The following CNTNAP2 variants were observed in gnomAD, a reference collection of about 807,000 sequenced individuals.
CNTNAP2 encodes contactin associated protein 2, also known as contactin-associated protein-like 2.
CNTNAP2 carries 98 observed loss-of-function variants against 155.2 expected under a neutral mutation model. The ratio of observed to expected loss-of-function variants is 0.63; its 90% CI spans 0.54 to 0.75. CNTNAP2 has a LOEUF of 0.75. Among genes scored for constraint, CNTNAP2 ranks in the 30% least tolerant of loss-of-function variants. The probability of loss-of-function intolerance (pLI) is 0.00; values close to 1 mark genes in which losing one functional copy is unlikely to be tolerated. For missense variants in CNTNAP2, 1,727 were observed against 1,688.1 expected, an observed-to-expected ratio of 1.02 and a Z score of -0.40; for synonymous variants, 651 against 631.2, an observed-to-expected ratio of 1.03 and a Z score of -0.47.
chr7:146,835,425 C>T (rs1033919108), intron 2 of CNTNAP2, among the ~76,000 whole-genome samples: 4 of 152,042 alleles, frequency 2.6e-5, no homozygotes, highest in Non-Finnish European at 5.9e-5. Context: ...TTCAAGGTTT[C>T]GAACTGTATA....
chr7:146,935,929 T>C (rs1167448371), intron 3 of CNTNAP2, among the ~76,000 whole-genome samples: 1 of 152,220 alleles, frequency 6.6e-6, no homozygotes, highest in Non-Finnish European at 1.5e-5. Flanking sequence ...ATAGTCATAA[T>C]AGAAGTCTCC....
chr7:147,328,322 C>T (rs1795497588), intron 9 of CNTNAP2, among the ~76,000 whole-genome samples: 1 of 152,186 alleles, frequency 6.6e-6, no homozygotes, highest in South Asian at 2.1e-4. Flanking sequence ...CAAATTTTAA[C>T]AGTTAAAAAC....
intron 8 of CNTNAP2, among the ~76,000 whole-genome samples, chr7:147,154,681 G>A (rs930437480): frequency 3.9e-5 from 6 of 152,022 alleles, no homozygotes; most frequent in African/African-American, 1.4e-4. Context: ...ACACCAAAAT[G>A]GAGAGTTCTG....
chr7:148,269,956 A>T (rs28645819), intron 21 of CNTNAP2, among the ~76,000 whole-genome samples: 54,228 of 151,986 alleles, frequency 0.36, 11,383 homozygotes, highest in East Asian at 0.6. Flanking sequence ...TGATATTCGT[A>T]AAGTAACATC....
At chr7:146,882,798 T>TCAAG (rs1795579507) in intron 3 of CNTNAP2, among the ~76,000 whole-genome samples, 1 of 152,006 alleles carries the variant, frequency 6.6e-6, no homozygotes, top group African/African-American at 2.4e-5. Flanking sequence ...GAGAACCAAA[T>TCAAG]CAAGAATGCG....
rs182193243 is a variant in CNTNAP2, at chr7:147,702,238, T to G, written c.2098+62932T>G. Among the ~76,000 whole-genome samples, 711 of 152,026 alleles carry G rather than the reference T, an allele frequency of 4.7e-3. 1 individual carries two copies. Among genetic ancestry groups the G allele is most frequent in the Non-Finnish European group, 7.9e-3 (535 of 67,962 alleles). The stretch of plus-strand genomic sequence containing the variant: ...GACTCTGAAATCACAAGAGCTGGGG[T>G]TGCAGAATTTGCAGCAGCAATTGTA... On this transcript the variant is annotated intron_variant, in intron 13 of 23. Transcript: ENST00000361727.
At position 147,939,376 on chromosome 7, in the gene CNTNAP2, T is replaced by C. The variant is rs1445335444; in HGVS notation, c.2255+35655T>C. On this transcript the variant is annotated intron_variant, in intron 14 of 23. Coordinates refer to ENST00000361727, the MANE Select transcript of CNTNAP2 (RefSeq NM_014141.6). ...TTTTGAGACAGGCTGTGGCCCAGGC[T>C]GGAGTGCAGTGGCACGATCTCAGCT... 3.3e-5 allele frequency among the ~76,000 whole-genome samples: 5 copies of C among 152,286 alleles called. No individual in the cohort carries two copies. The East Asian group carries it at 9.6e-4, about 29-fold the overall frequency.
intron 3 of CNTNAP2, among the ~76,000 whole-genome samples, chr7:147,010,184 A>G (rs1798599540): frequency 1.3e-5 from 2 of 151,598 alleles, no homozygotes; most frequent in South Asian, 4.2e-4. Flanking sequence ...TGATTTTTGT[A>G]TTTTTAATAG....
intron 11 of CNTNAP2, among the ~76,000 whole-genome samples, chr7:147,502,476 T>C (rs1377016554): frequency 2.0e-5 from 3 of 151,882 alleles, no homozygotes; most frequent in Non-Finnish European, 4.4e-5. Context: ...AGTAAAATAA[T>C]AGTAAATGCA....
intron 15 of CNTNAP2, among the ~76,000 whole-genome samples, chr7:147,988,684 A>C (rs1801661753): frequency 6.6e-6 from 1 of 151,986 alleles, no homozygotes; most frequent in Non-Finnish European, 1.5e-5. Context: ...CCCTTCCTGA[A>C]CTTGTTACTC....
chr7:147,527,015 C>CTTTTCTTTTTTTT (rs1562981280), intron 11 of CNTNAP2, among the ~76,000 whole-genome samples: 1 of 65,180 alleles, frequency 1.5e-5, no homozygotes, highest in African/African-American at 7.8e-5. Context: ...ACAGGCATTT[C>CTTTTCTTTTTTTT]TTTTTTTTTT....
chr7:146,189,757 T>C (rs939741695), intron 1 of CNTNAP2, among the ~76,000 whole-genome samples: 3 of 152,212 alleles, frequency 2.0e-5, no homozygotes, highest in African/African-American at 7.2e-5. Flanking sequence ...ATAAATCATT[T>C]GAATTTCAAC....
Position 147,814,577 on chromosome 7 carries a change from T to G in CNTNAP2, c.2099-88988T>G, listed in dbSNP as rs558395170. Among the ~76,000 whole-genome samples, 3 of 152,322 alleles carry G rather than the reference T, an allele frequency of 2.0e-5. No individual in the cohort carries two copies. In the South Asian group the frequency reaches 6.2e-4, roughly 32 times the overall value. ...AGTATTTGCCTCGCCCTTTAAAACCTTCATTTTATATAACCTATTGATTGT... is the reference window on the plus strand; with the variant it reads ...AGTATTTGCCTCGCCCTTTAAAACCGTCATTTTATATAACCTATTGATTGT... On this transcript the variant is annotated intron_variant, in intron 13 of 23. Coordinates refer to ENST00000361727, the MANE Select transcript of CNTNAP2 (RefSeq NM_014141.6).
intron 1 of CNTNAP2, among the ~76,000 whole-genome samples, chr7:146,589,349 C>A (rs1325135051): frequency 1.3e-5 from 2 of 152,158 alleles, no homozygotes; most frequent in Non-Finnish European, 2.9e-5. Context: ...GGAACCAACC[C>A]AAATGCCCAT....
At chr7:146,172,684 CTG>C (rs1359230207) in intron 1 of CNTNAP2, among the ~76,000 whole-genome samples, 1 of 151,988 alleles carries the variant, frequency 6.6e-6, no homozygotes, top group East Asian at 1.9e-4. Context: ...GTGTGGATAA[CTG>C]GAGGAATCTT....
At chr7:148,093,506 C>T (rs183813853) in intron 15 of CNTNAP2, among the ~76,000 whole-genome samples, 1 of 152,252 alleles carries the variant, frequency 6.6e-6, no homozygotes, top group Non-Finnish European at 1.5e-5. Context: ...TATAAAGTCC[C>T]TCAGTCATTA....
chr7:147,042,908 C>T (rs146425163), intron 3 of CNTNAP2, among the ~76,000 whole-genome samples: 1 of 152,064 alleles, frequency 6.6e-6, no homozygotes, highest in East Asian at 1.9e-4. Context: ...AAGAGAATAT[C>T]TTCTAAAAGA....
chr7:147,865,612 A>T (rs566177127), intron 13 of CNTNAP2, among the ~76,000 whole-genome samples: 29 of 152,088 alleles, frequency 1.9e-4, no homozygotes, highest in African/African-American at 7.0e-4. Flanking sequence ...AGAGCCTGTT[A>T]TTGGTCTATT....
intron 1 of CNTNAP2, among the ~76,000 whole-genome samples, chr7:146,665,242 C>T (rs567257127): frequency 6.6e-6 from 1 of 152,284 alleles, no homozygotes; most frequent in African/African-American, 2.4e-5. Flanking sequence ...AGCCACCGCG[C>T]CCGGCGTCTT....
Sources: gnomAD v4.1 joint callset for allele counts (sites outside exome capture counted in the v4.1 genomes callset) on GRCh38, gnomAD v4.1.1 for gene constraint, MANE v1.5 for transcripts, NCBI Gene and HGNC (gene_info 2026-07-23, HGNC 2026-07-21) for gene names.